RANBP9: variants seen among roughly 807,000 people sequenced by gnomAD.
The protein encoded by RANBP9 is RAN binding protein 9.
RANBP9 carries 15 observed loss-of-function variants against 84.3 expected under a neutral mutation model. That is an observed-to-expected ratio of 0.18 (90% CI 0.12 to 0.27). The LOEUF is 0.27. Among genes scored for constraint, RANBP9 ranks in the 10% least tolerant of loss-of-function variants. The probability of loss-of-function intolerance (pLI) is 1.00; values close to 1 mark genes in which losing one functional copy is unlikely to be tolerated. For missense variants in RANBP9, 809 were observed against 912.8 expected, an observed-to-expected ratio of 0.89 and a Z score of 1.46; for synonymous variants, 392 against 349.6, an observed-to-expected ratio of 1.12 and a Z score of -1.35.
intron 10 of RANBP9, 143 bp downstream of exon 10, chr6:13,637,665 C>A: frequency 1.3e-6 from 1 of 766,530 alleles, no homozygotes; most frequent in Non-Finnish European, 1.9e-6. Context: ...AACTGACTCC[C>A]TACGCTTTTA....
intron 2 of RANBP9, among the ~76,000 whole-genome samples, chr6:13,678,686 C>T (rs1315851577): frequency 6.6e-6 from 1 of 152,180 alleles, no homozygotes; most frequent in Non-Finnish European, 1.5e-5. Flanking sequence ...AATCCCAATA[C>T]TCTGGCCTGG....
chr6:13,662,990 G>GA (rs1458429967), intron 2 of RANBP9, among the ~76,000 whole-genome samples: 1 of 151,866 alleles, frequency 6.6e-6, no homozygotes, highest in Non-Finnish European at 1.5e-5. Context: ...CAATCCCAAG[G>GA]AAAAAGAGAA....
intron 2 of RANBP9, among the ~76,000 whole-genome samples, chr6:13,691,792 A>G (rs1302999583): frequency 6.6e-6 from 1 of 152,056 alleles, no homozygotes; most frequent in African/African-American, 2.4e-5. Context: ...CAGCCCCCCA[A>G]GTAGCTGGGA....
At chr6:13,674,244 A>C (rs1053051095) in intron 2 of RANBP9, among the ~76,000 whole-genome samples, 2 of 152,164 alleles carry the variant, frequency 1.3e-5, no homozygotes, top group African/African-American at 4.8e-5. Flanking sequence ...AGTGAACAAA[A>C]AGACCCAAAT....
chr6:13,695,018 A>G (rs1766409325), intron 2 of RANBP9, among the ~76,000 whole-genome samples: 1 of 152,212 alleles, frequency 6.6e-6, no homozygotes, highest in African/African-American at 2.4e-5. Context: ...AAAGTTTACT[A>G]TGTGTAAAAT....
intron 5 of RANBP9, among the ~76,000 whole-genome samples, chr6:13,650,761 G>A (rs923544409): frequency 6.6e-6 from 1 of 151,994 alleles, no homozygotes; most frequent in Non-Finnish European, 1.5e-5. Flanking sequence ...GAAAATCATG[G>A]GCATCAGCCT....
At chr6:13,629,922 G>T (rs199921308) in intron 12 of RANBP9, among the ~76,000 whole-genome samples, 824 of 31,038 alleles carry the variant, frequency 0.027, 6 homozygotes, top group African/African-American at 0.093. Context: ...TCTCTCTCTC[G>T]TGTGTGTGTG....
chr6:13,628,435 G>A (rs1764686382), intron 12 of RANBP9, among the ~76,000 whole-genome samples: 1 of 152,174 alleles, frequency 6.6e-6, no homozygotes, highest in Non-Finnish European at 1.5e-5. Context: ...AACATGGGTA[G>A]GGGTTAGGAG....
chr6:13,625,455 A>G (rs939149848), intron 13 of RANBP9, among the ~76,000 whole-genome samples, 198 bp downstream of exon 13: 2 of 152,196 alleles, frequency 1.3e-5, no homozygotes, highest in Non-Finnish European at 2.9e-5. Context: ...ACCCCATCTT[A>G]CTGTTTTTAT....
intron 12 of RANBP9, among the ~76,000 whole-genome samples, chr6:13,629,444 T>G (rs1299494930): frequency 6.6e-6 from 1 of 152,126 alleles, no homozygotes; most frequent in Non-Finnish European, 1.5e-5. Context: ...ATATGTAGCA[T>G]TATGGGTTAT....
chr6:13,630,395 A>G (rs747155716), intron 12 of RANBP9, among the ~76,000 whole-genome samples: 4 of 152,236 alleles, frequency 2.6e-5, no homozygotes, highest in Non-Finnish European at 5.9e-5. Context: ...AATCAAACAC[A>G]AAGTAAGCTA....
At chr6:13,623,668 G>A (rs1262962159) in intron 13 of RANBP9, among the ~76,000 whole-genome samples, 2 of 152,110 alleles carry the variant, frequency 1.3e-5, no homozygotes, top group African/African-American at 4.8e-5. Context: ...TTTTTTGGAT[G>A]TATGAAATTT....
intron 4 of RANBP9, among the ~76,000 whole-genome samples, chr6:13,653,653 G>A (rs570728636): frequency 1.3e-5 from 2 of 152,112 alleles, no homozygotes; most frequent in South Asian, 2.1e-4. Context: ...CTCTATGACT[G>A]TGCTGTAATA....
chr6:13,704,619 A>C (rs530824796), intron 1 of RANBP9, among the ~76,000 whole-genome samples: 1 of 152,036 alleles, frequency 6.6e-6, no homozygotes, highest in South Asian at 2.1e-4. Context: ...CAATGGAGTC[A>C]GACCCTGCCT....
chr6:13,674,524 A>C (rs1398668964), intron 2 of RANBP9, among the ~76,000 whole-genome samples: 2 of 152,218 alleles, frequency 1.3e-5, no homozygotes, highest in African/African-American at 4.8e-5. Context: ...CTATATGTGC[A>C]AACAGCAAAC....
At chr6:13,697,082 C>G (rs1757851409) in intron 1 of RANBP9, among the ~76,000 whole-genome samples, 186 bp from the exon 2 acceptor site, 1 of 152,142 alleles carries the variant, frequency 6.6e-6, no homozygotes, top group Non-Finnish European at 1.5e-5. Flanking sequence ...CCAAGTTAAC[C>G]ACAGAACTCT....
At chr6:13,664,585 C>T (rs1488477987) in intron 2 of RANBP9, among the ~76,000 whole-genome samples, 1 of 151,984 alleles carries the variant, frequency 6.6e-6, no homozygotes, top group Non-Finnish European at 1.5e-5. Flanking sequence ...CTATAGTTCA[C>T]AATATTCTAT....
intron 2 of RANBP9, among the ~76,000 whole-genome samples, chr6:13,684,978 C>T (rs138183460): frequency 1.3e-5 from 2 of 152,310 alleles, no homozygotes; most frequent in East Asian, 1.9e-4. Flanking sequence ...TTGCCTCATT[C>T]GCCTCCTCAG....
chr6:13,709,848 C>T (rs1208119914), intron 1 of RANBP9, among the ~76,000 whole-genome samples: 2 of 152,286 alleles, frequency 1.3e-5, no homozygotes, highest in African/African-American at 2.4e-5. Flanking sequence ...TTGTTTATCT[C>T]CTCTACATAC....
Sources: allele counts gnomAD v4.1 joint callset (sites outside exome capture counted in the v4.1 genomes callset), GRCh38; gene constraint gnomAD v4.1.1; transcripts MANE v1.5; gene names NCBI Gene and HGNC (gene_info 2026-07-23, HGNC 2026-07-21).